CDIN1: variants seen among roughly 807,000 people sequenced by gnomAD.
CDIN1 encodes CDAN1-interacting nuclease 1.
In CDIN1, 33 loss-of-function variants were observed where a neutral mutation model predicts 45.3. The ratio of observed to expected loss-of-function variants is 0.73; its 90% CI spans 0.55 to 0.97. The LOEUF is 0.97. CDIN1 is among the 50% of genes least tolerant of loss of function. The pLI is 0.00. For synonymous variants in CDIN1, 118 were observed against 124.4 expected, an observed-to-expected ratio of 0.95 and a Z score of 0.34; for missense variants, 303 against 339.4, an observed-to-expected ratio of 0.89 and a Z score of 0.84.
intron 1 of CDIN1, among the ~76,000 whole-genome samples, chr15:36,605,632 C>G (rs1013731246): frequency 6.6e-6 from 1 of 152,170 alleles, no homozygotes; most frequent in African/African-American, 2.4e-5. Context: ...TCTAATAATC[C>G]CTCAAGAATT....
chr15:36,630,016 G>A (rs1339198271), intron 1 of CDIN1, among the ~76,000 whole-genome samples: 1 of 152,120 alleles, frequency 6.6e-6, no homozygotes, highest in Non-Finnish European at 1.5e-5. Flanking sequence ...TGGTAATTTA[G>A]GAGAGGCTGG....
Position 36,618,960 on chromosome 15 carries a change from G to A in CDIN1, c.102-25318G>A, listed in dbSNP as rs2039026571. On this transcript the variant is annotated intron_variant, in intron 1 of 10. Transcript: ENST00000566621. ...CCTGAAAGTTAAGTTATGCTGAAGTGTGCCAGAAGCCCCCTAAAGAGCCAT... is the reference window on the plus strand; with the variant it reads ...CCTGAAAGTTAAGTTATGCTGAAGTATGCCAGAAGCCCCCTAAAGAGCCAT... 2.6e-6 allele frequency: 4 copies of A among 1,550,608 alleles called. No individual in the cohort carries two copies. In the South Asian group the frequency reaches 3.5e-5, roughly 14 times the overall value.
intron 1 of CDIN1, chr15:36,591,655 A>G (rs1391792975): frequency 6.6e-6 from 1 of 152,256 alleles, no homozygotes; most frequent in African/African-American, 2.4e-5. Flanking sequence ...CAGATAGATC[A>G]TAAAACATTG....
intron 1 of CDIN1, among the ~76,000 whole-genome samples, chr15:36,596,531 A>G (rs2037840252): frequency 2.6e-5 from 4 of 152,190 alleles, no homozygotes; most frequent in East Asian, 1.9e-4. Context: ...TTTGCCTGGT[A>G]TGCAGAACAG....
At chr15:36,644,487 AC>A (rs2040234066) in intron 2 of CDIN1, among the ~76,000 whole-genome samples, 164 bp downstream of exon 2, 1 of 151,604 alleles carries the variant, frequency 6.6e-6, no homozygotes, top group Admixed American at 6.6e-5. Flanking sequence ...TGCCAAGCCT[AC>A]CCATCCATCT....
chr15:36,687,292 C>T (rs75068454), intron 5 of CDIN1, among the ~76,000 whole-genome samples: 8,427 of 151,634 alleles, frequency 0.056, 265 homozygotes, highest in African/African-American at 0.068. Context: ...TTAGAAAATC[C>T]AACAAAATAC....
Position 36,808,637 on chromosome 15 carries a change from C to T in CDIN1, c.*184C>T. On this transcript the variant is annotated 3_prime_UTR_variant, in exon 11 of 11. Coordinates refer to ENST00000566621, the MANE Select transcript of CDIN1 (RefSeq NM_001321759.2). ...AGTTTCTGTTTTCCTTCATCCCTTGCTGATGTGAACAGCCAAGAACTACAG... is the reference window on the plus strand; with the variant it reads ...AGTTTCTGTTTTCCTTCATCCCTTGTTGATGTGAACAGCCAAGAACTACAG... The T allele has an allele frequency of 1.3e-6, 1 of 767,708 alleles. No individual in the cohort carries two copies. Among genetic ancestry groups the T allele is most frequent in the Admixed American group, 2.8e-5 (1 of 35,834 alleles). 47.6% of individuals were successfully genotyped at this position (767,708 alleles called of 1,614,324 possible). A position where few individuals can be genotyped will look rare whatever the true frequency, so the allele number is the denominator to read the frequency against.
chr15:36,706,702 A>C (rs1413024159), intron 8 of CDIN1: 1 of 152,142 alleles, frequency 6.6e-6, no homozygotes, highest in Admixed American at 6.5e-5. Context: ...TACAAAATTG[A>C]GATGAACCTC....
chr15:36,630,765 A>C (rs1439303906), intron 1 of CDIN1, among the ~76,000 whole-genome samples: 1 of 152,150 alleles, frequency 6.6e-6, no homozygotes, highest in Non-Finnish European at 1.5e-5. Flanking sequence ...GCTTCTATTC[A>C]TGGTGGAAGG....
Position 36,715,762 on chromosome 15 carries a change from A to G in CDIN1, c.716+5801A>G, listed in dbSNP as rs145929260. Reference sequence around the variant, plus strand: ...AAATTGAGTTGATTGTGAGATATTGATGTCCCATTGTTCCAGACAGATACT... The same window carrying G: ...AAATTGAGTTGATTGTGAGATATTGGTGTCCCATTGTTCCAGACAGATACT... On this transcript the variant is annotated intron_variant, in intron 10 of 10. Transcript: ENST00000566621. 1.6e-3 allele frequency among the ~76,000 whole-genome samples: 247 copies of G among 152,318 alleles called. 2 individuals are homozygous for G. Among genetic ancestry groups the G allele is most frequent in the Admixed American group, 4.3e-3 (65 of 15,288 alleles).
chr15:36,757,873 G>C (rs2053650135), intron 10 of CDIN1, among the ~76,000 whole-genome samples: 1 of 152,166 alleles, frequency 6.6e-6, no homozygotes, highest in Non-Finnish European at 1.5e-5. Context: ...ATCACAGGAA[G>C]AGAGTGAGTA....
intron 5 of CDIN1, among the ~76,000 whole-genome samples, chr15:36,663,003 T>C (rs1247485372): frequency 6.6e-6 from 1 of 152,062 alleles, no homozygotes; most frequent in Non-Finnish European, 1.5e-5. Flanking sequence ...GATTTTTGAA[T>C]TTGGGATGCC....
At chr15:36,747,130 A>G (rs1450454037) in intron 10 of CDIN1, 1 of 395,022 alleles carries the variant, frequency 2.5e-6, no homozygotes, top group African/African-American at 2.1e-5. Context: ...AGTGCATTAA[A>G]AAAAAAAAAG....
chr15:36,739,022 G>A (rs12907634), intron 10 of CDIN1, among the ~76,000 whole-genome samples: 1 of 152,204 alleles, frequency 6.6e-6, no homozygotes, highest in East Asian at 1.9e-4. Flanking sequence ...AAGTTTCTGA[G>A]ACTTGGAAGG....
chr15:36,780,548 A>G (rs947130042), intron 10 of CDIN1, among the ~76,000 whole-genome samples: 1 of 152,196 alleles, frequency 6.6e-6, no homozygotes, highest in Non-Finnish European at 1.5e-5. Context: ...TTGAAAAGGA[A>G]TCTTTCCCAA....
chr15:36,725,042 C>T (rs917788906), intron 10 of CDIN1, among the ~76,000 whole-genome samples: 15 of 152,144 alleles, frequency 9.9e-5, no homozygotes, highest in Non-Finnish European at 1.5e-5. Flanking sequence ...GCAGCCCAAA[C>T]ATAAAGAACT....
At chr15:36,755,548 T>TC (rs2053588793) in intron 10 of CDIN1, among the ~76,000 whole-genome samples, 1 of 152,126 alleles carries the variant, frequency 6.6e-6, no homozygotes. Context: ...GTAATATACA[T>TC]TAATTGCCCT....
rs1394700014 is a variant in CDIN1 at position 36,657,869 on chromosome 15, C to A, written c.310C>A (p.Leu104Met). 6.2e-7 allele frequency: 1 copy of A among 1,611,924 alleles called. No homozygotes were observed. Among genetic ancestry groups the A allele is most frequent in the Admixed American group, 1.7e-5 (1 of 59,860 alleles). Reference sequence around the variant, plus strand: ...GCCCTCATTAATGGCTCGGCTTATACTGGAGAGGTTTCTACAGGAACACGA... The same window carrying A: ...GCCCTCATTAATGGCTCGGCTTATAATGGAGAGGTTTCTACAGGAACACGA... ...YAPSLMARLI[L>M]ERFLQEHEET... Residue 104 changes from leucine to methionine, a missense_variant, in exon 5 of 11, where the codon CTG becomes ATG. By Grantham distance (15) the Leu-to-Met change is conservative. Coordinates refer to ENST00000566621, the MANE Select transcript of CDIN1 (RefSeq NM_001321759.2).
intron 7 of CDIN1, among the ~76,000 whole-genome samples, chr15:36,692,596 T>C (rs952849233): frequency 6.6e-6 from 1 of 152,224 alleles, no homozygotes; most frequent in Non-Finnish European, 1.5e-5. Context: ...AAGGAGGTTG[T>C]GATTAAAATG....
Sources: allele counts gnomAD v4.1 joint callset (sites outside exome capture counted in the v4.1 genomes callset), GRCh38; gene constraint gnomAD v4.1.1; transcripts MANE v1.5; gene names NCBI Gene and HGNC (gene_info 2026-07-23, HGNC 2026-07-21).